Variants in ARPIN observed in about 807,000 individuals in gnomAD.
ARPIN encodes actin related protein 2/3 complex inhibitor, also known as UPF0552 protein C15orf38.
A neutral mutation model predicts 25.9 loss-of-function variants in ARPIN; 23 were observed. That is an observed-to-expected ratio of 0.89 (90% CI 0.64 to 1.26). The LOEUF (loss-of-function observed/expected upper bound fraction) is 1.26, where lower values mean the gene tolerates loss of function less well. Among genes scored for constraint, ARPIN ranks in the 50% most tolerant of loss-of-function variants. ARPIN has a pLI of 0.00. For synonymous variants in ARPIN, 126 were observed against 131.4 expected, an observed-to-expected ratio of 0.96 and a Z score of 0.28; for missense variants, 333 against 312.2, an observed-to-expected ratio of 1.07 and a Z score of -0.50.
chr15:89,907,437 G>A (rs549065224), intron 3 of ARPIN, among the ~76,000 whole-genome samples: 3 of 152,172 alleles, frequency 2.0e-5, no homozygotes, highest in Non-Finnish European at 4.4e-5. Flanking sequence ...GTATTAAGAG[G>A]TGGGACCTTT....
Position 89,908,400 on chromosome 15 carries a change from C to A in ARPIN, c.181G>T (p.Val61Leu). ...DTHGRKERYY[V>L]LYIRPSHIHR... ...ATGTGACTGGGCCGGATATACAGCA[C>A]GTAGTAGCGCTCCTGGGGCCAGGCA... Residue 61 changes from valine (V) to leucine (L), a missense_variant, in exon 3 of 6, where the codon GTG becomes TTG. Physicochemically the swap from Val to Leu is conservative, Grantham distance 32. Transcript: ENST00000357484. The A allele has an allele frequency of 6.2e-7, 1 of 1,614,024 alleles. No homozygotes were observed. Among genetic ancestry groups the A allele is most frequent in the East Asian group, 2.2e-5 (1 of 44,874 alleles).
chr15:89,903,639 G>A, intron 4 of ARPIN, 138 bp downstream of exon 4: 1 of 1,425,104 alleles, frequency 7.0e-7, no homozygotes, highest in Non-Finnish European at 9.4e-7. Flanking sequence ...GGATTTAGGA[G>A]TAAATCTCAA....
At chr15:89,909,941 C>A (rs1311251168) in intron 2 of ARPIN, among the ~76,000 whole-genome samples, 2 of 152,112 alleles carry the variant, frequency 1.3e-5, no homozygotes, top group South Asian at 2.1e-4. Context: ...TAGGAGAAGG[C>A]CCTGCCTGAC....
chr15:89,903,955 C>A lies in ARPIN; in HGVS notation c.330G>T (p.Arg110Ser), dbSNP rs891129265. Residue 110 changes from arginine (R) to serine (S), a missense_variant, in exon 4 of 6, where the codon AGG (arginine) becomes AGT (serine). Transcript: ENST00000357484. The part of the protein sequence containing the change: ...YKVEAKGDTD[R>S]LTPEALKGLV... ...GCCCCTTCAGCGCCTCGGGCGTGAGCCTGTCAGTGTCCCCCTTGGCTTCCA... is the reference window on the plus strand; with the variant it reads ...GCCCCTTCAGCGCCTCGGGCGTGAGACTGTCAGTGTCCCCCTTGGCTTCCA... 6.2e-7 allele frequency: 1 copy of A among 1,609,346 alleles called. No individual in the cohort carries two copies. Among genetic ancestry groups the A allele is most frequent in the Non-Finnish European group, 8.5e-7 (1 of 1,179,688 alleles).
At chr15:89,906,894 G>A (rs1352719524) in intron 3 of ARPIN, among the ~76,000 whole-genome samples, 1 of 151,608 alleles carries the variant, frequency 6.6e-6, no homozygotes, top group East Asian at 2.0e-4. Flanking sequence ...GGCGGAGGTT[G>A]CAGTGATCCA....
At chr15:89,905,501 G>A (rs777373750) in intron 3 of ARPIN, among the ~76,000 whole-genome samples, 30 of 151,752 alleles carry the variant, frequency 2.0e-4, no homozygotes, top group Admixed American at 5.9e-4. Context: ...GCCTTCCTGC[G>A]TTCTGGCTTT....
chr15:89,912,352 C>A, intron 1 of ARPIN: 2 of 1,014,230 alleles, frequency 2.0e-6, no homozygotes, highest in Non-Finnish European at 2.4e-6. Flanking sequence ...CCCGCCACAG[C>A]ACGGCCACTG....
In ARPIN at chr15:89,896,759, C is replaced by G. The variant is rs1896937244; in HGVS notation, c.*5036G>C. The G allele has an allele frequency of 6.6e-6, 1 of 151,998 alleles. No individual in the cohort carries two copies. The highest frequency in any genetic ancestry group is 2.4e-5 in the African/African-American group (1 of 41,370). The allele number at this position is 151,998 out of a possible 1,614,324, so 9.4% of individuals were successfully genotyped here. A position where few individuals can be genotyped will look rare whatever the true frequency, so the allele number is the denominator to read the frequency against. On this transcript the variant is annotated 3_prime_UTR_variant, in exon 6 of 6. Transcript: ENST00000357484. ...ACGAATAACAAAGGGAGAAATACAG[C>G]TAGGAAAAGGAAAAAATGTTTAAGC...
chr15:89,907,123 C>T (rs1370008171), intron 3 of ARPIN, among the ~76,000 whole-genome samples: 1 of 151,338 alleles, frequency 6.6e-6, no homozygotes, highest in African/African-American at 2.4e-5. Context: ...GGCTGGAGTG[C>T]AGTGGTGCAA....
rs941987715 is a variant in ARPIN at position 89,901,654 on chromosome 15, A to G, written c.*141T>C. ...TTTGGTTTTAGCAGAGCTTGTTCAA[A>G]GAGTATTCCAAGGTGGCTATGGGGA... On this transcript the variant is annotated 3_prime_UTR_variant, in exon 6 of 6. Coordinates refer to ENST00000357484, the MANE Select transcript of ARPIN (RefSeq NM_182616.4). The G allele has an allele frequency of 2.0e-6, 2 of 1,007,154 alleles. No homozygotes were observed. Among genetic ancestry groups the G allele is most frequent in the African/African-American group, 3.2e-5 (2 of 62,256 alleles). 62.4% of individuals were successfully genotyped at this position (1,007,154 alleles called of 1,614,324 possible). A position where few individuals can be genotyped will look rare whatever the true frequency, so the allele number is the denominator to read the frequency against.
In ARPIN at chr15:89,908,400, C is replaced by G. The variant is rs202041796; in HGVS notation, c.181G>C (p.Val61Leu). Residue 61 changes from valine (V) to leucine (L), a missense_variant, in exon 3 of 6, where the codon GTG (valine) becomes CTG (leucine). Val to Leu is a conservative substitution (Grantham distance 32, BLOSUM62 1). Transcript: ENST00000357484. ...DTHGRKERYY[V>L]LYIRPSHIHR... ...ATGTGACTGGGCCGGATATACAGCA[C>G]GTAGTAGCGCTCCTGGGGCCAGGCA... 1.1e-5 allele frequency: 17 copies of G among 1,613,906 alleles called. No homozygotes were observed. Among genetic ancestry groups the G allele is most frequent in the Non-Finnish European group, 1.4e-5 (17 of 1,179,998 alleles).
At chr15:89,908,237 C>A (rs555161690) in intron 3 of ARPIN, 43 bp downstream of exon 3, 2 of 1,611,468 alleles carry the variant, frequency 1.2e-6, no homozygotes, top group South Asian at 2.2e-5. Context: ...CGCCACACTG[C>A]AGGAGGGCCC....
intron 3 of ARPIN, among the ~76,000 whole-genome samples, chr15:89,905,838 C>T (rs1258421449): frequency 1.3e-5 from 2 of 152,094 alleles, no homozygotes; most frequent in African/African-American, 2.4e-5. Flanking sequence ...AGCTTCAATA[C>T]TCTCGATGTG....
chr15:89,902,637 G>C (rs907531216), intron 5 of ARPIN, among the ~76,000 whole-genome samples: 1 of 151,614 alleles, frequency 6.6e-6, no homozygotes, highest in Non-Finnish European at 1.5e-5. Flanking sequence ...CCAGGAGTTC[G>C]AGGCTGCAGT....
At position 89,898,967 on chromosome 15, in the gene ARPIN, T is replaced by G. The variant is rs1438758292; in HGVS notation, c.*2828A>C. On this transcript the variant is annotated 3_prime_UTR_variant, in exon 6 of 6. Coordinates refer to ENST00000357484, the MANE Select transcript of ARPIN (RefSeq NM_182616.4). ...AATCAGGGGCTTTGGCCTCACCATC[T>G]GCCCATGCAGATGCCTATGCCACAG... 1 of 152,336 alleles carries G rather than the reference T, an allele frequency of 6.6e-6. No individual in the cohort carries two copies. The highest frequency in any genetic ancestry group is 2.4e-5 in the African/African-American group (1 of 41,452). 9.4% of individuals were successfully genotyped at this position (152,336 alleles called of 1,614,324 possible).
intron 1 of ARPIN, among the ~76,000 whole-genome samples, chr15:89,911,402 T>C (rs1035067541): frequency 6.6e-6 from 1 of 152,164 alleles, no homozygotes; most frequent in African/African-American, 2.4e-5. Flanking sequence ...CACACGGTCC[T>C]TCACTGAGGG....
chr15:89,908,003 C>T (rs761191049), intron 3 of ARPIN, among the ~76,000 whole-genome samples: 3 of 152,102 alleles, frequency 2.0e-5, no homozygotes, highest in Non-Finnish European at 4.4e-5. Context: ...GCAGTTAGAG[C>T]CCAAAGCCAG....
intron 5 of ARPIN, 52 bp from the exon 6 acceptor site, chr15:89,901,855 G>A (rs770975424): frequency 5.6e-6 from 9 of 1,599,836 alleles, no homozygotes; most frequent in Admixed American, 5.0e-5. Context: ...TGTCATAAAC[G>A]TCACTGCAAG....
rs1896972302 is a variant in ARPIN, at chr15:89,898,863, G to GT, written c.*2931dup. 2 of 152,208 alleles carry GT rather than the reference G, an allele frequency of 1.3e-5. No homozygotes were observed. The highest frequency in any genetic ancestry group is 2.9e-5 in the Non-Finnish European group (2 of 68,064). The allele number at this position is 152,208 out of a possible 1,614,324, so 9.4% of individuals were successfully genotyped here. On this transcript the variant is annotated 3_prime_UTR_variant, in exon 6 of 6. Coordinates refer to ENST00000357484, the MANE Select transcript of ARPIN (RefSeq NM_182616.4). ...TGTAGTTCCTCAACTCCCCACAGGT[G>GT]TATCTAGGAAGGCTTCTGCCCTGGC...
Sources: gnomAD v4.1 joint callset for allele counts (sites outside exome capture counted in the v4.1 genomes callset) on GRCh38, gnomAD v4.1.1 for gene constraint, MANE v1.5 for transcripts, NCBI Gene and HGNC (gene_info 2026-07-23, HGNC 2026-07-21) for gene names.